KCND2: variants seen among roughly 807,000 people sequenced by gnomAD.
KCND2 encodes the protein A-type voltage-gated potassium channel KCND2.
Under a neutral mutation model 54.4 loss-of-function variants are expected in KCND2, and 16 were observed. The observed-to-expected ratio is 0.29, with a 90% CI of 0.20 to 0.45. The LOEUF is 0.45. Ranked by LOEUF, KCND2 falls within the 20% of genes least tolerant of loss-of-function variation. KCND2 has a pLI of 1.00. For synonymous variants in KCND2, 317 were observed against 310.7 expected, an observed-to-expected ratio of 1.02 and a Z score of -0.21; for missense variants, 486 against 824.2, an observed-to-expected ratio of 0.59 and a Z score of 5.02.
At chr7:120,553,109 C>T (rs768261321) in intron 1 of KCND2, among the ~76,000 whole-genome samples, 20 of 152,108 alleles carry the variant, frequency 1.3e-4, no homozygotes, top group Non-Finnish European at 1.5e-4. Flanking sequence ...TTAACATGTT[C>T]CTCCTACAAC....
At chr7:120,741,003 TA>T (rs1792934125) in intron 2 of KCND2, 2 of 344,246 alleles carry the variant, frequency 5.8e-6, no homozygotes, top group Admixed American at 3.4e-5. Context: ...TGCAAAAATA[TA>T]ATTTTATATT....
chr7:120,534,801 A>T (rs1393757824), intron 1 of KCND2, among the ~76,000 whole-genome samples: 3 of 152,170 alleles, frequency 2.0e-5, no homozygotes, highest in Non-Finnish European at 2.9e-5. Flanking sequence ...AAATTTAAGG[A>T]TGTCTCTTGT....
chr7:120,282,621 A>G (rs1290871889), intron 1 of KCND2, among the ~76,000 whole-genome samples: 3 of 152,188 alleles, frequency 2.0e-5, no homozygotes, highest in African/African-American at 7.2e-5. Context: ...TTGAAAGAGT[A>G]GGATGACAGT....
chr7:120,276,340 T>C (rs1277111080), intron 1 of KCND2, among the ~76,000 whole-genome samples: 2 of 152,152 alleles, frequency 1.3e-5, no homozygotes, highest in Admixed American at 1.3e-4. Context: ...TATTCAGTCT[T>C]TTAGAATATC....
chr7:120,514,944 G>A (rs1562860784), intron 1 of KCND2, among the ~76,000 whole-genome samples: 2 of 152,010 alleles, frequency 1.3e-5, no homozygotes, highest in African/African-American at 2.4e-5. Context: ...TGATTGTGTA[G>A]TACCGTAAAT....
chr7:120,590,518 C>T (rs772979289), intron 1 of KCND2, among the ~76,000 whole-genome samples: 4 of 152,088 alleles, frequency 2.6e-5, no homozygotes, highest in Non-Finnish European at 5.9e-5. Flanking sequence ...GTAAGGGATG[C>T]GCTTCCAGGA....
chr7:120,611,559 T>C (rs189597293), intron 1 of KCND2, among the ~76,000 whole-genome samples: 113 of 152,284 alleles, frequency 7.4e-4, no homozygotes, highest in African/African-American at 2.5e-3. Context: ...AAAATGGTTC[T>C]TAAAACTCTA....
chr7:120,579,108 A>AAT lies in KCND2; in HGVS notation c.1116-153794_1116-153793dup, dbSNP rs1277319442. On this transcript the variant is annotated intron_variant, in intron 1 of 5. Transcript: ENST00000331113. ...TATGTTTCTAATGTTATTTAAGTTA[A>AAT]ATGAAGAACATATATTTTAACCATA... Among the ~76,000 whole-genome samples the AAT allele has an allele frequency of 3.3e-5, 5 of 152,304 alleles. No individual in the cohort carries two copies. In the East Asian group the frequency reaches 9.6e-4, roughly 29 times the overall value.
At chr7:120,554,416 AT>A (rs367696492) in intron 1 of KCND2, among the ~76,000 whole-genome samples, 10 of 147,028 alleles carry the variant, frequency 6.8e-5, no homozygotes, top group Admixed American at 3.4e-4. Context: ...TTTTTAATTT[AT>A]TTTTTTTTTG....
intron 1 of KCND2, among the ~76,000 whole-genome samples, chr7:120,703,977 G>A (rs1243544707): frequency 1.3e-5 from 2 of 152,146 alleles, no homozygotes; most frequent in African/African-American, 4.8e-5. Context: ...GGTTTCCCTG[G>A]CATCTTTCTA....
intron 1 of KCND2, among the ~76,000 whole-genome samples, chr7:120,287,879 C>A (rs1799370158): frequency 6.6e-6 from 1 of 152,014 alleles, no homozygotes; most frequent in South Asian, 2.1e-4. Flanking sequence ...GATCTACTAG[C>A]TAAAGTGCTT....
intron 1 of KCND2, among the ~76,000 whole-genome samples, chr7:120,380,517 A>G (rs1800902366): frequency 6.6e-6 from 1 of 152,078 alleles, no homozygotes; most frequent in South Asian, 2.1e-4. Flanking sequence ...ACAATACAAA[A>G]CAATTGAAAG....
At chr7:120,664,198 C>A (rs78582881) in intron 1 of KCND2, among the ~76,000 whole-genome samples, 5,198 of 152,172 alleles carry the variant, frequency 0.034, 213 homozygotes, top group African/African-American at 0.1. Context: ...TTTCGGCCTT[C>A]TTTTCATCAT....
chr7:120,500,815 TTTAAA>T (rs1188209738), intron 1 of KCND2, among the ~76,000 whole-genome samples: 36 of 150,132 alleles, frequency 2.4e-4, no homozygotes, highest in Middle Eastern at 3.5e-3. Context: ...ATATTATATA[TTTAAA>T]TTAAATTATA....
intron 1 of KCND2, among the ~76,000 whole-genome samples, chr7:120,382,388 A>G (rs1800927728): frequency 6.6e-6 from 1 of 151,932 alleles, no homozygotes; most frequent in African/African-American, 2.4e-5. Flanking sequence ...ACAAGCATAG[A>G]AAAACATTCT....
chr7:120,488,748 A>G (rs1448768313), intron 1 of KCND2, among the ~76,000 whole-genome samples: 1 of 150,728 alleles, frequency 6.6e-6, no homozygotes, highest in African/African-American at 2.4e-5. Flanking sequence ...TTTTTGGTTC[A>G]TTTTTTTTTA....
chr7:120,722,311 A>G (rs970358472), intron 1 of KCND2, among the ~76,000 whole-genome samples: 3 of 152,112 alleles, frequency 2.0e-5, no homozygotes, highest in African/African-American at 7.2e-5. Context: ...GAGTGAGAAC[A>G]CCAGGCCTTT....
chr7:120,461,208 G>A (rs1448111695), intron 1 of KCND2, among the ~76,000 whole-genome samples: 2 of 152,106 alleles, frequency 1.3e-5, no homozygotes, highest in South Asian at 2.1e-4. Flanking sequence ...CTCCTACAAT[G>A]ATTTGTACCT....
At chr7:120,357,905 A>C (rs1288213557) in intron 1 of KCND2, among the ~76,000 whole-genome samples, 2 of 152,082 alleles carry the variant, frequency 1.3e-5, no homozygotes, top group African/African-American at 2.4e-5. Flanking sequence ...CCTATCTCTC[A>C]ATACAGCCAC....
Sources: gnomAD v4.1 joint callset for allele counts (sites outside exome capture counted in the v4.1 genomes callset) on GRCh38, gnomAD v4.1.1 for gene constraint, MANE v1.5 for transcripts, NCBI Gene and HGNC (gene_info 2026-07-23, HGNC 2026-07-21) for gene names.